Variants in DEF8 observed in about 807,000 individuals in gnomAD.
DEF8 encodes the protein DEF-8.
DEF8 carries 38 observed loss-of-function variants against 59.1 expected under a neutral mutation model. The ratio of observed to expected loss-of-function variants is 0.64; its 90% CI spans 0.50 to 0.84. DEF8 has a LOEUF of 0.84. Ranked by LOEUF, DEF8 falls within the 40% of genes least tolerant of loss-of-function variation. The pLI is 0.00. For missense variants in DEF8, 557 were observed against 615.2 expected, an observed-to-expected ratio of 0.91 and a Z score of 1.00; for synonymous variants, 265 against 250.1, an observed-to-expected ratio of 1.06 and a Z score of -0.56.
Position 89,961,759 on chromosome 16 carries a change from G to A in DEF8, c.702G>A (p.Arg234=). 6.2e-7 allele frequency: 1 copy of A among 1,613,526 alleles called. No homozygotes were observed. The highest frequency in any genetic ancestry group is 1.1e-5 in the South Asian group (1 of 91,082). The change falls in exon 8 of 13, where the codon AGG becomes AGA. Residue 234 remains arginine, a synonymous_variant. Transcript: ENST00000563594. ...CAGGGGGTGTGCCCAGTGAGGCCAG[G>A]CAGTGCGACTACACCGGCCAGTACT... ...ISLRGVPSEA[R]QCDYTGQYYC... is the part of the protein sequence containing the mutation.
chr16:89,965,753 C>T, intron 12 of DEF8, 108 bp from the exon 13 acceptor site: 1 of 686,786 alleles, frequency 1.5e-6, no homozygotes, highest in Admixed American at 2.6e-5. Context: ...CGACTCTGCC[C>T]TTTGGTAACG....
In DEF8 at chr16:89,954,399, G is replaced by GT; in HGVS notation, c.124+24dup. On this transcript the variant is annotated intron_variant, in intron 3 of 12. Transcript: ENST00000563594. The surrounding 1 kb of genome is among the most constrained non-coding windows in gnomAD (Gnocchi z 4.3). ...AAGGTGGGTGCTGGTGGGAGTCAGGGTGGGAGCTGGGCAGGTCTCTGACTG... is the reference window on the plus strand; with the variant it reads ...AAGGTGGGTGCTGGTGGGAGTCAGGGTTGGGAGCTGGGCAGGTCTCTGACTG... 1 of 1,611,086 alleles carries GT rather than the reference G, an allele frequency of 6.2e-7. No individual in the cohort carries two copies. Among genetic ancestry groups the GT allele is most frequent in the African/African-American group, 1.3e-5 (1 of 75,006 alleles).
At chr16:89,965,817 TG>T (rs755791518) in intron 12 of DEF8, 43 bp from the exon 13 acceptor site, 4 of 1,364,174 alleles carry the variant, frequency 2.9e-6, no homozygotes, top group Non-Finnish European at 4.1e-6. Flanking sequence ...GATTCAGTGC[TG>T]GAGTTTCCTG....
chr16:89,963,423 GAGGCT>G lies in DEF8; in HGVS notation c.983_987del (p.Glu328AlafsTer62). 6.2e-7 allele frequency: 1 copy of G among 1,613,762 alleles called. No homozygotes were observed. The highest frequency in any genetic ancestry group is 8.5e-7 in the Non-Finnish European group (1 of 1,179,854). On this transcript the variant is annotated frameshift_variant, in exon 10 of 13. Transcript: ENST00000563594. LOFTEE classifies it high-confidence loss of function. ...CTTCATCACCTGCAGGGAGGCCATG[GAGGCT>G]CGTCTGCTGCTGCAGGTCAGACTGC...
At chr16:89,962,271 G>C (rs1029156641) in intron 9 of DEF8, 146 bp downstream of exon 9, 1 of 696,110 alleles carries the variant, frequency 1.4e-6, no homozygotes, top group African/African-American at 1.8e-5. Flanking sequence ...CAGGCGCCGC[G>C]GCTGCCCTTT....
intron 11 of DEF8, 34 bp downstream of exon 11, chr16:89,964,344 C>A: frequency 6.4e-7 from 1 of 1,560,120 alleles, no homozygotes; most frequent in Non-Finnish European, 8.7e-7. Context: ...TCTTCTCCAA[C>A]CCCAGCCCTG....
rs2032956532 is a variant in DEF8 at position 89,955,237 on chromosome 16, C to T, written c.193C>T (p.Leu65=). 5.6e-6 allele frequency: 9 copies of T among 1,613,520 alleles called. No individual in the cohort carries two copies. The highest frequency in any genetic ancestry group is 7.6e-6 in the Non-Finnish European group (9 of 1,179,906). ...RCPERVMDLG[L]SEDHFSRPVG... ...CCCTGAACGCGTGATGGATCTCGGC[C>T]TGTCTGAGGACCACTTCTCCCGCCC... Residue 65 remains leucine (L), a synonymous_variant, in exon 4 of 13, where the codon CTG becomes TTG. Transcript: ENST00000563594.
rs927974287 is a variant in DEF8, at chr16:89,954,127, T to C, written c.-10-116T>C. 4.0e-5 allele frequency: 46 copies of C among 1,157,476 alleles called. No homozygotes were observed. Among genetic ancestry groups the C allele is most frequent in the African/African-American group, 3.1e-5 (2 of 64,922 alleles). The allele number at this position is 1,157,476 out of a possible 1,614,324, so 71.7% of individuals were successfully genotyped here. On this transcript the variant is annotated intron_variant, in intron 2 of 12. Transcript: ENST00000563594. The surrounding 1 kb of genome is among the most constrained non-coding windows in gnomAD (Gnocchi z 4.3). The stretch of plus-strand genomic sequence containing the variant: ...GCTGTGGTGTGAGGACTACCCACTT[T>C]AGGGAAGTGAAAGAGGCCAGCCTCA...
intron 4 of DEF8, 118 bp downstream of exon 4, chr16:89,955,384 C>A: frequency 1.3e-6 from 1 of 793,752 alleles, no homozygotes; most frequent in Non-Finnish European, 2.1e-6. Context: ...AGCTGGGGTA[C>A]AGTCTCACTC....
In DEF8 at chr16:89,967,107, C is replaced by T. The variant is rs751042316; in HGVS notation, c.*1144C>T. The T allele has an allele frequency of 1.5e-5, 6 of 395,398 alleles. No homozygotes were observed. The highest frequency in any genetic ancestry group is 7.2e-5 in the East Asian group (2 of 27,912). The allele number at this position is 395,398 out of a possible 1,614,324, so 24.5% of individuals were successfully genotyped here. On this transcript the variant is annotated 3_prime_UTR_variant, in exon 13 of 13. Coordinates refer to ENST00000563594, the MANE Select transcript of DEF8 (RefSeq NM_001242818.2). ...TGCACTTTACAGATCCTGCGGTCCA[C>T]GAGGGGCCTCAGGAGAGGACGTGTC...
Position 89,957,639 on chromosome 16 carries a change from G to A in DEF8, c.351G>A (p.Arg117=). The stretch of plus-strand genomic sequence containing the variant: ...CCGTGGTGCGACTCATCCACCTCCG[G>A]CTGAAGCTCCAGGAGCTGAAGGTGG... ...KDAVVRLIHL[R]LKLQELKDPN... is the part of the protein sequence containing the mutation. The change falls in exon 5 of 13, where the codon CGG becomes CGA. Residue 117 remains arginine (R), a synonymous_variant. Coordinates refer to ENST00000563594, the MANE Select transcript of DEF8 (RefSeq NM_001242818.2). 3 of 1,567,706 alleles carry A rather than the reference G, an allele frequency of 1.9e-6. No individual in the cohort carries two copies. Among genetic ancestry groups the A allele is most frequent in the Non-Finnish European group, 2.6e-6 (3 of 1,156,396 alleles).
At chr16:89,955,548 C>G (rs972386193) in intron 4 of DEF8, among the ~76,000 whole-genome samples, 1 of 152,268 alleles carries the variant, frequency 6.6e-6, no homozygotes, top group South Asian at 2.1e-4. Flanking sequence ...CTGCTTCTGT[C>G]CCCTGAGCTC....
chr16:89,950,325 G>A, intron 2 of DEF8: 23 of 985,156 alleles, frequency 2.3e-5, no homozygotes, highest in Non-Finnish European at 2.5e-5. Context: ...ATCCACCCCA[G>A]AAAGTAGGTG....
rs756907758 is a variant in DEF8 at position 89,961,993 on chromosome 16, AC to A, written c.808-16del. 1.9e-6 allele frequency: 3 copies of A among 1,613,050 alleles called. No individual in the cohort carries two copies. Among genetic ancestry groups the A allele is most frequent in the Non-Finnish European group, 2.5e-6 (3 of 1,179,630 alleles). Reference sequence around the variant, plus strand: ...GCCCTGGGTGGGTGTGAGAGGTGTCACCCGGCCGTGCCTGGCAGGTTTCTCG... The same window carrying A: ...GCCCTGGGTGGGTGTGAGAGGTGTCACCGGCCGTGCCTGGCAGGTTTCTCG... On this transcript the variant is annotated intron_variant, in intron 8 of 12. Transcript: ENST00000563594.
chr16:89,958,956 G>A, intron 5 of DEF8, 58 bp from the exon 6 acceptor site: 3 of 1,590,960 alleles, frequency 1.9e-6, no homozygotes, highest in Non-Finnish European at 2.6e-6. Context: ...CTTGTGCGAA[G>A]GGAAAGGAAC....
intron 10 of DEF8, 190 bp from the exon 11 acceptor site, chr16:89,963,980 G>A: frequency 5.3e-6 from 4 of 754,872 alleles, no homozygotes; most frequent in Non-Finnish European, 9.3e-6. Context: ...ACACAGGTCA[G>A]GAAACGTGGC....
At chr16:89,964,665 G>T in intron 12 of DEF8, 90 bp downstream of exon 12, 3 of 954,868 alleles carry the variant, frequency 3.1e-6, no homozygotes, top group Non-Finnish European at 4.8e-6. Context: ...GGATGATGCC[G>T]TGGGAGCTGG....
chr16:89,955,348 C>T (rs2032980593), intron 4 of DEF8, 82 bp downstream of exon 4: 13 of 1,184,898 alleles, frequency 1.1e-5, no homozygotes, highest in Non-Finnish European at 1.6e-5. Flanking sequence ...GTCACTCCCT[C>T]CCAGGTGGCA....
chr16:89,958,945 G>C (rs1449260051), intron 5 of DEF8, 69 bp from the exon 6 acceptor site: 1 of 1,580,872 alleles, frequency 6.3e-7, no homozygotes, highest in Non-Finnish European at 8.6e-7. Context: ...AAGTTGAGGG[G>C]CTTGTGCGAA....
Sources: allele counts gnomAD v4.1 joint callset (sites outside exome capture counted in the v4.1 genomes callset), GRCh38; gene constraint gnomAD v4.1.1; non-coding constraint Gnocchi (gnomAD v3.1); transcripts MANE v1.5; gene names NCBI Gene and HGNC (gene_info 2026-07-23, HGNC 2026-07-21).